FHIT: variants seen among roughly 807,000 people sequenced by gnomAD.
FHIT encodes fragile histidine triad diadenosine triphosphatase.
A neutral mutation model predicts 17.9 loss-of-function variants in FHIT; 19 were observed. The ratio of observed to expected loss-of-function variants is 1.06; its 90% CI spans 0.74 to 1.56. The LOEUF (loss-of-function observed/expected upper bound fraction) is 1.56, where lower values mean the gene tolerates loss of function less well. Ranked by LOEUF, FHIT falls within the 40% of genes most tolerant of loss-of-function variation. The probability of loss-of-function intolerance (pLI) is 0.00; values close to 1 mark genes in which losing one functional copy is unlikely to be tolerated. For missense variants in FHIT, 248 were observed against 189.2 expected (o/e 1.31, Z -1.82); for synonymous variants, 81 against 69.7 (o/e 1.16, Z -0.81).
intron 3 of FHIT, among the ~76,000 whole-genome samples, chr3:60,878,993 G>A (rs1350904519): frequency 6.6e-6 from 1 of 152,126 alleles, no homozygotes; most frequent in Admixed American, 6.5e-5. Flanking sequence ...ATAATCCTTT[G>A]AGTATATACC....
intron 5 of FHIT, among the ~76,000 whole-genome samples, chr3:60,436,763 T>C (rs896877425): frequency 6.6e-6 from 1 of 152,142 alleles, no homozygotes; most frequent in Admixed American, 6.6e-5. Flanking sequence ...AAAAGAGGTT[T>C]CTTTTTATTT....
chr3:60,698,496 C>T (rs868938768), intron 4 of FHIT, among the ~76,000 whole-genome samples: 3 of 152,102 alleles, frequency 2.0e-5, no homozygotes, highest in South Asian at 2.1e-4. Context: ...CCAAACAAAC[C>T]GCATAAAGTA....
At chr3:60,930,290 T>G (rs565560772) in intron 3 of FHIT, among the ~76,000 whole-genome samples, 3 of 152,070 alleles carry the variant, frequency 2.0e-5, no homozygotes, top group Admixed American at 2.0e-4. Context: ...CAATACCATT[T>G]AGGACATAGG....
intron 4 of FHIT, among the ~76,000 whole-genome samples, chr3:60,646,083 T>C (rs2039849817): frequency 6.6e-6 from 1 of 152,194 alleles, no homozygotes; most frequent in East Asian, 1.9e-4. Context: ...CAGAAAGAAC[T>C]TTACCAAATT....
intron 5 of FHIT, among the ~76,000 whole-genome samples, chr3:60,413,137 G>C (rs1702123313): frequency 6.6e-6 from 1 of 152,126 alleles, no homozygotes; most frequent in Admixed American, 6.6e-5. Context: ...GAAGGTAAAA[G>C]AGTCCATACC....
rs7614509 is a variant in FHIT, at chr3:60,912,381, C to A, written c.-110-90370G>T. 4.5e-4 allele frequency among the ~76,000 whole-genome samples: 69 copies of A among 152,126 alleles called. 1 individual carries two copies. The highest frequency in any genetic ancestry group is 1.6e-3 in the African/African-American group (67 of 41,490). On this transcript the variant is annotated intron_variant, in intron 3 of 9. Coordinates refer to ENST00000492590, the MANE Select transcript of FHIT (RefSeq NM_002012.4). ...ACCTGGTAACTGAACCTCCCTGAGG[C>A]CCAGGTTATTCATCAACAAACTGAT... is the stretch of plus-strand genomic sequence containing the variant.
At chr3:60,640,685 G>C (rs2039704393) in intron 4 of FHIT, among the ~76,000 whole-genome samples, 1 of 152,054 alleles carries the variant, frequency 6.6e-6, no homozygotes, top group Non-Finnish European at 1.5e-5. Flanking sequence ...TATGGCTTAT[G>C]ATTTTAAAAA....
chr3:60,690,518 T>C (rs1380507964), intron 4 of FHIT: 4 of 561,568 alleles, frequency 7.1e-6, no homozygotes, highest in East Asian at 4.7e-5. Flanking sequence ...TTATGGCATG[T>C]GAAGTCACCA....
At chr3:60,124,001 T>TAGAGAGAG (rs1705398141) in intron 5 of FHIT, among the ~76,000 whole-genome samples, 4 of 27,958 alleles carry the variant, frequency 1.4e-4, no homozygotes, top group Non-Finnish European at 2.1e-4. Flanking sequence ...TATATATATA[T>TAGAGAGAG]ATATATATAG....
At chr3:60,136,868 T>C (rs929697416) in intron 5 of FHIT, among the ~76,000 whole-genome samples, 9 of 151,894 alleles carry the variant, frequency 5.9e-5, no homozygotes, top group African/African-American at 1.7e-4. Flanking sequence ...AACAGTCTGA[T>C]ACTAGAAAAA....
At chr3:60,119,957 A>G (rs1386018441) in intron 5 of FHIT, among the ~76,000 whole-genome samples, 1 of 152,054 alleles carries the variant, frequency 6.6e-6, no homozygotes, top group Non-Finnish European at 1.5e-5. Flanking sequence ...ATCTGTCCTT[A>G]CCCTGCCTTT....
At chr3:59,858,624 C>T (rs1702277933) in intron 8 of FHIT, among the ~76,000 whole-genome samples, 1 of 151,980 alleles carries the variant, frequency 6.6e-6, no homozygotes, top group South Asian at 2.1e-4. Flanking sequence ...TGCTCTGTAA[C>T]TGAACATGCA....
At chr3:60,350,504 G>A (rs528520472) in intron 5 of FHIT, among the ~76,000 whole-genome samples, 2 of 152,148 alleles carry the variant, frequency 1.3e-5, no homozygotes, top group South Asian at 2.1e-4. Flanking sequence ...AAACCATTAT[G>A]TAGAACAAAT....
At chr3:59,772,307 G>A (rs1016604896) in intron 8 of FHIT, among the ~76,000 whole-genome samples, 2 of 152,196 alleles carry the variant, frequency 1.3e-5, no homozygotes, top group East Asian at 1.9e-4. Flanking sequence ...TATCACCCAC[G>A]CTATTAGGCA....
At chr3:60,729,732 A>C (rs1444671505) in intron 4 of FHIT, among the ~76,000 whole-genome samples, 2 of 147,296 alleles carry the variant, frequency 1.4e-5, no homozygotes, top group African/African-American at 5.0e-5. Context: ...TTTATTATCA[A>C]AACAAAAGGA....
chr3:60,156,509 G>A (rs144632726), intron 5 of FHIT, among the ~76,000 whole-genome samples: 6,107 of 152,188 alleles, frequency 0.04, 421 homozygotes, highest in African/African-American at 0.14. Context: ...AGCACTTTGG[G>A]AGGCCAAGGC....
At chr3:59,840,313 G>A (rs1701486116) in intron 8 of FHIT, among the ~76,000 whole-genome samples, 1 of 150,626 alleles carries the variant, frequency 6.6e-6, no homozygotes, top group African/African-American at 2.4e-5. Context: ...GGGGCCCTTT[G>A]ATAAGGATGG....
chr3:60,645,783 T>C (rs868942538), intron 4 of FHIT, among the ~76,000 whole-genome samples: 1 of 152,156 alleles, frequency 6.6e-6, no homozygotes, highest in Admixed American at 6.5e-5. Flanking sequence ...CAACTTCAAA[T>C]AGTTAACGCT....
intron 2 of FHIT, among the ~76,000 whole-genome samples, chr3:61,184,007 C>T (rs1227959640): frequency 6.6e-6 from 1 of 152,030 alleles, no homozygotes; most frequent in East Asian, 1.9e-4. Context: ...ATCTCCTATA[C>T]TTGTAATACT....
Sources: allele counts gnomAD v4.1 joint callset (sites outside exome capture counted in the v4.1 genomes callset), GRCh38; gene constraint gnomAD v4.1.1; transcripts MANE v1.5; gene names NCBI Gene and HGNC (gene_info 2026-07-23, HGNC 2026-07-21).